ABTB3: variants seen among roughly 807,000 people sequenced by gnomAD.
ABTB3 encodes the protein ankyrin repeat and BTB domain containing 3.
chr12:107,329,840 T>C, the ABTB3 span, among the ~76,000 whole-genome samples: 1 of 152,274 alleles, frequency 6.6e-6, no homozygotes, highest in Non-Finnish European at 1.5e-5. Flanking sequence ...ACACAGTCCC[T>C]GTGCTCATGG....
chr12:107,556,614 C>T, the ABTB3 span, among the ~76,000 whole-genome samples: 1 of 152,312 alleles, frequency 6.6e-6, no homozygotes, highest in East Asian at 1.9e-4. Context: ...GTCTGAAAAT[C>T]TAAGGCCAAA....
chr12:107,420,909 G>A, the ABTB3 span, among the ~76,000 whole-genome samples: 2 of 152,272 alleles, frequency 1.3e-5, no homozygotes, highest in African/African-American at 4.8e-5. Flanking sequence ...GCCCCTAAAT[G>A]TAGGTATTTT....
the ABTB3 span, among the ~76,000 whole-genome samples, chr12:107,429,105 G>A: frequency 6.6e-6 from 1 of 152,186 alleles, no homozygotes; most frequent in Non-Finnish European, 1.5e-5. Context: ...TGAAGGTTGG[G>A]GCTTGTTTCT....
the ABTB3 span, among the ~76,000 whole-genome samples, chr12:107,337,194 G>A: frequency 1.2e-4 from 18 of 152,370 alleles, no homozygotes; most frequent in African/African-American, 4.1e-4. Flanking sequence ...TTCAGTCTGG[G>A]TATCAGATGG....
the ABTB3 span, among the ~76,000 whole-genome samples, chr12:107,525,724 A>G: frequency 0.22 from 33,731 of 152,128 alleles, 3,860 homozygotes; most frequent in African/African-American, 0.26. Flanking sequence ...CTGTTTCCTC[A>G]GGGCCTCATA....
the ABTB3 span, among the ~76,000 whole-genome samples, chr12:107,535,275 A>G: frequency 6.6e-6 from 1 of 152,070 alleles, no homozygotes; most frequent in Non-Finnish European, 1.5e-5. Flanking sequence ...AGAAGGAAAA[A>G]ACCTCAACAC....
the ABTB3 span, among the ~76,000 whole-genome samples, chr12:107,656,125 TA>T: frequency 1.1e-4 from 14 of 122,822 alleles, no homozygotes; most frequent in African/African-American, 4.2e-4. Context: ...CCATCTCTAT[TA>T]AAAAAAATAC....
chr12:107,431,312 T>C, the ABTB3 span, among the ~76,000 whole-genome samples: 5 of 152,236 alleles, frequency 3.3e-5, no homozygotes, highest in Non-Finnish European at 7.3e-5. Context: ...TAGTAGGTAC[T>C]TTAAAAAGTC....
the ABTB3 span, among the ~76,000 whole-genome samples, chr12:107,488,851 T>C: frequency 6.6e-6 from 1 of 152,080 alleles, no homozygotes; most frequent in Admixed American, 6.5e-5. Flanking sequence ...GTTGGAATGC[T>C]ATTTAGAACA....
chr12:107,585,393 T>C, the ABTB3 span, among the ~76,000 whole-genome samples: 2 of 152,134 alleles, frequency 1.3e-5, no homozygotes, highest in East Asian at 3.9e-4. Context: ...CCTGAGTCAT[T>C]ACATTCTTGC....
chr12:107,481,625 G>T, the ABTB3 span, among the ~76,000 whole-genome samples: 1 of 152,146 alleles, frequency 6.6e-6, no homozygotes, highest in African/African-American at 2.4e-5. Flanking sequence ...GTGTATCCAT[G>T]AGGACTCTTC....
At chr12:107,379,148 G>C in the ABTB3 span, among the ~76,000 whole-genome samples, 140,965 of 152,252 alleles carry the variant, frequency 0.93, 65,376 homozygotes, top group African/African-American at 0.97. Context: ...CATAGGGTTG[G>C]TGGAAAAGTA....
At chr12:107,329,569 C>T in the ABTB3 span, among the ~76,000 whole-genome samples, 1,002 of 152,348 alleles carry the variant, frequency 6.6e-3, 14 homozygotes, top group African/African-American at 0.023. Flanking sequence ...TACTGAGTGA[C>T]TGAAAAGCCT....
At chr12:107,651,772 T>C in the ABTB3 span, 2 of 1,613,730 alleles carry the variant, frequency 1.2e-6, no homozygotes, top group Non-Finnish European at 1.7e-6. Context: ...GTGTGGATAT[T>C]TACAACCATG....
the ABTB3 span, among the ~76,000 whole-genome samples, chr12:107,566,542 C>T: frequency 6.6e-5 from 10 of 151,908 alleles, no homozygotes; most frequent in Non-Finnish European, 1.3e-4. Context: ...AAAATCTCTC[C>T]GAAGGTTTGT....
the ABTB3 span, among the ~76,000 whole-genome samples, chr12:107,473,956 G>C: frequency 6.6e-6 from 1 of 151,042 alleles, no homozygotes; most frequent in African/African-American, 2.4e-5. Flanking sequence ...CTAATTTTTT[G>C]TATTTGTAGT....
chr12:107,604,909 A>C, the ABTB3 span, among the ~76,000 whole-genome samples: 1 of 152,242 alleles, frequency 6.6e-6, no homozygotes, highest in Non-Finnish European at 1.5e-5. Flanking sequence ...GTATATGTAC[A>C]CAGTGGAATT....
At chr12:107,457,392 A>C in the ABTB3 span, among the ~76,000 whole-genome samples, 1 of 152,360 alleles carries the variant, frequency 6.6e-6, no homozygotes, top group Non-Finnish European at 1.5e-5. Context: ...GGCTTGCCGA[A>C]AGATAGACTC....
the ABTB3 span, chr12:107,634,788 A>G: frequency 6.6e-6 from 1 of 152,290 alleles, no homozygotes; most frequent in African/African-American, 2.4e-5. Flanking sequence ...GGGTCCGGAA[A>G]TGCCTCAGCA....
Sources: allele counts gnomAD v4.1 joint callset (sites outside exome capture counted in the v4.1 genomes callset), GRCh38; gene constraint gnomAD v4.1.1; transcripts MANE v1.5; gene names NCBI Gene and HGNC (gene_info 2026-07-23, HGNC 2026-07-21).